Variants in ADGRL2 observed in about 807,000 individuals in gnomAD.
The protein encoded by ADGRL2 is calcium-independent alpha-latrotoxin receptor 2.
In ADGRL2, 44 loss-of-function variants were observed where a neutral mutation model predicts 157.4. The observed-to-expected ratio is 0.28, with a 90% confidence interval of 0.22 to 0.36. The LOEUF (loss-of-function observed/expected upper bound fraction) is 0.36, where lower values mean the gene tolerates loss of function less well. ADGRL2 is among the 10% of genes least tolerant of loss of function. The pLI is 1.00. For missense variants in ADGRL2, 1,510 were observed against 1,768.9 expected (o/e 0.85, Z 2.63); for synonymous variants, 585 against 624.7 (o/e 0.94, Z 0.95).
chr1:81,612,218 G>A (rs61562295), intron 3 of ADGRL2, among the ~76,000 whole-genome samples: 4,234 of 152,182 alleles, frequency 0.028, 189 homozygotes, highest in African/African-American at 0.097. Flanking sequence ...CCCACACTCT[G>A]ACACCTGAGT....
chr1:81,418,799 T>C (rs2077077503), intron 1 of ADGRL2, among the ~76,000 whole-genome samples: 1 of 152,040 alleles, frequency 6.6e-6, no homozygotes, highest in South Asian at 2.1e-4. Flanking sequence ...ACTTTCTAAC[T>C]TGCTGAGGTT....
chr1:81,338,321 C>G (rs892283388), intron 1 of ADGRL2, among the ~76,000 whole-genome samples: 1 of 152,060 alleles, frequency 6.6e-6, no homozygotes, highest in Non-Finnish European at 1.5e-5. Flanking sequence ...CAAGATGGCG[C>G]CACTGCACTC....
At chr1:81,315,438 T>C (rs1338622657) in intron 1 of ADGRL2, among the ~76,000 whole-genome samples, 3 of 152,162 alleles carry the variant, frequency 2.0e-5, no homozygotes, top group Non-Finnish European at 4.4e-5. Flanking sequence ...ACTGGGGGTC[T>C]TTTATAATGT....
chr1:81,477,845 G>A (rs1339664137), intron 2 of ADGRL2, among the ~76,000 whole-genome samples: 2 of 152,060 alleles, frequency 1.3e-5, no homozygotes, highest in Non-Finnish European at 2.9e-5. Context: ...TCTCTGTTTT[G>A]AAAAGCAGCT....
At chr1:81,315,216 G>A (rs746362530) in intron 1 of ADGRL2, among the ~76,000 whole-genome samples, 32 of 152,064 alleles carry the variant, frequency 2.1e-4, no homozygotes, top group Non-Finnish European at 3.5e-4. Context: ...GTCACAATTC[G>A]ATAAAAAAAT....
At chr1:81,701,877 G>A (rs1259449383) in intron 1 of ADGRL2, among the ~76,000 whole-genome samples, 2 of 152,156 alleles carry the variant, frequency 1.3e-5, no homozygotes, top group African/African-American at 2.4e-5. Context: ...AGGAACCTAC[G>A]TCAGTTCCCT....
intron 3 of ADGRL2, among the ~76,000 whole-genome samples, chr1:81,658,845 G>A (rs1352230521): frequency 2.0e-5 from 3 of 151,612 alleles, no homozygotes; most frequent in Non-Finnish European, 2.9e-5. Context: ...TCTGCCTCCC[G>A]GGTTGATGTG....
In ADGRL2 at chr1:81,961,547, G is replaced by A. The variant is rs79431989; in HGVS notation, c.2018-4511G>A. ...TTTGAGACGGAGTTTTGCTCTTGTC[G>A]TCCAGGCTAGAGTGCAATGGCATGA... On this transcript the variant is annotated intron_variant, in intron 11 of 23. Coordinates refer to ENST00000686636, the MANE Select transcript of ADGRL2 (RefSeq NM_001366006.2). 5.9e-4 allele frequency among the ~76,000 whole-genome samples: 78 copies of A among 131,272 alleles called. No individual in the cohort carries two copies. The East Asian group carries it at 9.3e-3, about 16-fold the overall frequency. The allele number at this position is 131,272 out of a possible 152,430, so 86.1% of individuals were successfully genotyped here. A position where few individuals can be genotyped will look rare whatever the true frequency, so the allele number is the denominator to read the frequency against.
chr1:81,680,821 T>C (rs2083097769), intron 3 of ADGRL2, among the ~76,000 whole-genome samples: 1 of 152,084 alleles, frequency 6.6e-6, no homozygotes, highest in South Asian at 2.1e-4. Context: ...TCAGAACAAC[T>C]GCATGCATTT....
chr1:81,904,546 T>C (rs1377544443), intron 2 of ADGRL2, among the ~76,000 whole-genome samples: 1 of 152,072 alleles, frequency 6.6e-6, no homozygotes, highest in Admixed American at 6.5e-5. Flanking sequence ...CCTAGAATGG[T>C]TGAAAAGTGG....
chr1:81,924,233 G>A (rs1394734017), intron 3 of ADGRL2, among the ~76,000 whole-genome samples: 2 of 150,702 alleles, frequency 1.3e-5, no homozygotes, highest in Admixed American at 6.6e-5. Flanking sequence ...GAAAATAGCA[G>A]TTCCTCAGAC....
chr1:81,782,977 C>T (rs191472694), intron 2 of ADGRL2, among the ~76,000 whole-genome samples: 53 of 152,280 alleles, frequency 3.5e-4, no homozygotes, highest in African/African-American at 1.3e-3. Context: ...TTCTCTCTGG[C>T]CTCATCATCA....
chr1:81,567,267 T>A (rs1009249845), intron 2 of ADGRL2, among the ~76,000 whole-genome samples: 1 of 152,050 alleles, frequency 6.6e-6, no homozygotes, highest in Non-Finnish European at 1.5e-5. Context: ...TAAGCAAAAT[T>A]TAAAATTCAA....
At chr1:81,516,915 G>A (rs72946979) in intron 2 of ADGRL2, among the ~76,000 whole-genome samples, 1,962 of 144,840 alleles carry the variant, frequency 0.014, 37 homozygotes, top group African/African-American at 0.047. Flanking sequence ...TCTCGGTGGC[G>A]CAGACACACT....
rs139997516 is a variant in ADGRL2 at position 81,718,696 on chromosome 1, C to T, written c.-143+18888C>T. On this transcript the variant is annotated intron_variant, in intron 1 of 20. Coordinates refer to the ADGRL2 transcript ENST00000359929. ...AGACTTTACTGCATAGTCAGCTTCG[C>T]CTTCTAATCCAATCTTCCCCAAAGC... 2.9e-3 allele frequency among the ~76,000 whole-genome samples: 445 copies of T among 152,292 alleles called. 2 individuals carry two copies. Among genetic ancestry groups the T allele is most frequent in the African/African-American group, 0.01 (426 of 41,568 alleles).
At chr1:81,840,737 T>C (rs981494156) in intron 2 of ADGRL2, among the ~76,000 whole-genome samples, 1 of 152,166 alleles carries the variant, frequency 6.6e-6, no homozygotes, top group African/African-American at 2.4e-5. Flanking sequence ...TCCTACAACG[T>C]ATTTTGGGGA....
At chr1:81,582,286 A>G (rs2080932346) in intron 3 of ADGRL2, among the ~76,000 whole-genome samples, 1 of 152,082 alleles carries the variant, frequency 6.6e-6, no homozygotes, top group Non-Finnish European at 1.5e-5. Flanking sequence ...ACTTGTCATT[A>G]GCAGTAAATT....
At chr1:81,875,673 A>C (rs1317554972) in intron 2 of ADGRL2, among the ~76,000 whole-genome samples, 4 of 152,114 alleles carry the variant, frequency 2.6e-5, no homozygotes, top group Non-Finnish European at 5.9e-5. Context: ...TAATGGAAAA[A>C]CACTTGCCTT....
intron 2 of ADGRL2, among the ~76,000 whole-genome samples, chr1:81,473,414 T>C (rs555548410): frequency 7.3e-4 from 111 of 152,272 alleles, no homozygotes; most frequent in African/African-American, 2.6e-3. Flanking sequence ...TTCAATAATG[T>C]AGTGTGAAAA....
Sources: allele counts gnomAD v4.1 joint callset (sites outside exome capture counted in the v4.1 genomes callset), GRCh38; gene constraint gnomAD v4.1.1; transcripts MANE v1.5; gene names NCBI Gene and HGNC (gene_info 2026-07-23, HGNC 2026-07-21).